Variants in KATNIP observed in about 807,000 individuals in gnomAD.
The protein encoded by KATNIP is katanin-interacting protein.
A neutral mutation model predicts 174.0 loss-of-function variants in KATNIP; 126 were observed. The observed-to-expected ratio is 0.72, with a 90% CI of 0.63 to 0.84. KATNIP has a LOEUF of 0.84. KATNIP is among the 40% of genes least tolerant of loss of function. KATNIP has a pLI of 0.00. For synonymous variants in KATNIP, 810 were observed against 835.7 expected, an observed-to-expected ratio of 0.97 and a Z score of 0.53; for missense variants, 1,958 against 2,109.7, an observed-to-expected ratio of 0.93 and a Z score of 1.41.
chr16:27,713,809 CATATATATATATATATAT>C (rs60005285), intron 13 of KATNIP, among the ~76,000 whole-genome samples: 956 of 33,354 alleles, frequency 0.029, 50 homozygotes, highest in East Asian at 0.15. Context: ...TGTGTATATA[CATATATATATATATATAT>C]ATATATATAT....
rs775064418 is a variant in KATNIP, at chr16:27,774,938, T to C, written c.4310-7T>C. On this transcript the variant is annotated splice_polypyrimidine_tract_variant and splice_region_variant and intron_variant, in intron 23 of 27. Transcript: ENST00000261588. ...TTTGGGTTATGGCAACTTAGACGTC[T>C]CCTCAGATATTGCGGCCTTCCCCGA... 1 of 1,613,746 alleles carries C rather than the reference T, an allele frequency of 6.2e-7. No individual in the cohort carries two copies. Among genetic ancestry groups the C allele is most frequent in the Non-Finnish European group, 8.5e-7 (1 of 1,179,902 alleles).
intron 2 of KATNIP, chr16:27,574,180 T>C: frequency 1.9e-6 from 1 of 537,246 alleles, no homozygotes; most frequent in Non-Finnish European, 3.3e-6. Flanking sequence ...AGTGTATCAG[T>C]TAACTTTGTC....
chr16:27,764,513 A>G (rs2082062606), intron 19 of KATNIP, among the ~76,000 whole-genome samples: 1 of 152,196 alleles, frequency 6.6e-6, no homozygotes, highest in South Asian at 2.1e-4. Flanking sequence ...GGCATCAGCC[A>G]TTTCTCCAAG....
rs534579560 is a variant in KATNIP, at chr16:27,659,284, G to A, written c.540+10549G>A. On this transcript the variant is annotated intron_variant, in intron 6 of 27. Transcript: ENST00000261588. ...TCCTGGTGCTTGGGAGGCCGAGGCAGGAGGATCACTTGAGGCCAGAAGTTG... is the reference window on the plus strand; with the variant it reads ...TCCTGGTGCTTGGGAGGCCGAGGCAAGAGGATCACTTGAGGCCAGAAGTTG... Among the ~76,000 whole-genome samples, 103 of 152,228 alleles carry A rather than the reference G, an allele frequency of 6.8e-4. 1 individual carries two copies. Among genetic ancestry groups the A allele is most frequent in the African/African-American group, 2.4e-3 (99 of 41,532 alleles).
At chr16:27,720,821 C>T (rs1260957508) in intron 13 of KATNIP, among the ~76,000 whole-genome samples, 1 of 152,168 alleles carries the variant, frequency 6.6e-6, no homozygotes, top group Non-Finnish European at 1.5e-5. Flanking sequence ...TGAGTTTTGT[C>T]CCACTGGAGA....
chr16:27,658,031 GCT>G (rs1567264329), intron 6 of KATNIP, among the ~76,000 whole-genome samples: 2 of 152,142 alleles, frequency 1.3e-5, no homozygotes, highest in Non-Finnish European at 2.9e-5. Context: ...GGGTACATGG[GCT>G]CTCTCTTTAT....
At chr16:27,746,451 G>C (rs117426776) in intron 15 of KATNIP, among the ~76,000 whole-genome samples, 409 of 152,360 alleles carry the variant, frequency 2.7e-3, no homozygotes, top group Non-Finnish European at 4.1e-3. Flanking sequence ...GAGAAGTGGG[G>C]GAGGGCAGAG....
Position 27,769,868 on chromosome 16 carries a change from T to C in KATNIP, c.3983T>C (p.Ile1328Thr). 1 of 1,613,838 alleles carries C rather than the reference T, an allele frequency of 6.2e-7. No individual in the cohort carries two copies. Among genetic ancestry groups the C allele is most frequent in the Non-Finnish European group, 8.5e-7 (1 of 1,179,704 alleles). The change falls in exon 21 of 28, where the codon ATT becomes ACT. Residue 1328 changes from isoleucine (I) to threonine (T), a missense_variant. Around this residue, in one of 3 missense-constraint regions of KATNIP, gnomAD observed 383 missense variants for 456.0 expected, o/e 0.84. Coordinates refer to ENST00000261588, the MANE Select transcript of KATNIP (RefSeq NM_015202.5). ...ATTTCTTTTGTTTGCCAGGCCAAGA[T>C]TGTCCACGTCTCCCTGGATGGCCTG... is the stretch of plus-strand genomic sequence containing the variant. Reference protein sequence around the residue: ...SPEDTYRGAKIVHVSLDGLCV... With the variant: ...SPEDTYRGAKTVHVSLDGLCV...
chr16:27,560,150 C>T (rs1352227757), intron 1 of KATNIP, among the ~76,000 whole-genome samples: 2 of 151,346 alleles, frequency 1.3e-5, no homozygotes, highest in African/African-American at 2.4e-5. Context: ...GGCGTGGTGG[C>T]GGGTGCCTGT....
chr16:27,703,114 C>G (rs966975344), intron 11 of KATNIP, among the ~76,000 whole-genome samples: 1 of 151,952 alleles, frequency 6.6e-6, no homozygotes, highest in African/African-American at 2.4e-5. Flanking sequence ...TTGTAGTGAG[C>G]CGAGACTGTG....
intron 8 of KATNIP, among the ~76,000 whole-genome samples, chr16:27,690,287 G>A (rs1221200467): frequency 1.3e-5 from 2 of 151,442 alleles, no homozygotes; most frequent in Non-Finnish European, 2.9e-5. Context: ...TGGCACTCCA[G>A]CCCGGGTGAC....
chr16:27,674,405 A>G (rs1202469746), intron 6 of KATNIP, among the ~76,000 whole-genome samples: 1 of 152,256 alleles, frequency 6.6e-6, no homozygotes, highest in Non-Finnish European at 1.5e-5. Flanking sequence ...GCGGGACTGC[A>G]TTCCTTCTGG....
intron 8 of KATNIP, among the ~76,000 whole-genome samples, chr16:27,683,324 G>A (rs2078413919): frequency 6.6e-6 from 1 of 152,156 alleles, no homozygotes; most frequent in Admixed American, 6.5e-5. Flanking sequence ...CAATCAGAGT[G>A]GCTTAAACAA....
At chr16:27,626,794 C>T (rs1025917622) in intron 3 of KATNIP, among the ~76,000 whole-genome samples, 5 of 150,714 alleles carry the variant, frequency 3.3e-5, no homozygotes, top group East Asian at 1.9e-4. Flanking sequence ...TAAAAACACA[C>T]GCAAAAAAAA....
intron 3 of KATNIP, among the ~76,000 whole-genome samples, chr16:27,625,201 C>A (rs914769062): frequency 6.6e-6 from 1 of 152,340 alleles, no homozygotes; most frequent in East Asian, 1.9e-4. Context: ...TTAGCAATTC[C>A]TTTCCAGTCT....
intron 20 of KATNIP, among the ~76,000 whole-genome samples, chr16:27,767,270 C>T (rs2082157981): frequency 6.6e-6 from 1 of 152,120 alleles, no homozygotes; most frequent in Non-Finnish European, 1.5e-5. Flanking sequence ...CCTGTCTCCT[C>T]ATCTATAAAA....
chr16:27,669,547 A>G (rs1157268651), intron 6 of KATNIP, among the ~76,000 whole-genome samples: 2 of 152,250 alleles, frequency 1.3e-5, no homozygotes, highest in East Asian at 3.8e-4. Flanking sequence ...GGTAGATCCC[A>G]CAGCATGGTA....
At chr16:27,728,139 G>A (rs2080522973) in intron 14 of KATNIP, among the ~76,000 whole-genome samples, 1 of 152,398 alleles carries the variant, frequency 6.6e-6, no homozygotes, top group South Asian at 2.1e-4. Flanking sequence ...TCTGGGCGCT[G>A]TGGGGGCCCG....
At chr16:27,656,043 T>C (rs1010460041) in intron 6 of KATNIP, among the ~76,000 whole-genome samples, 2 of 152,148 alleles carry the variant, frequency 1.3e-5, no homozygotes, top group African/African-American at 4.8e-5. Context: ...TGAAAAATGT[T>C]TTTCAAAAGC....
Sources: gnomAD v4.1 joint callset for allele counts (sites outside exome capture counted in the v4.1 genomes callset) on GRCh38, gnomAD v4.1.1 for gene constraint, gnomAD v4.1.1 regional missense constraint, MANE v1.5 for transcripts, NCBI Gene and HGNC (gene_info 2026-07-23, HGNC 2026-07-21) for gene names.